The following MCTP1 variants were observed in gnomAD, a reference collection of about 807,000 sequenced individuals.
MCTP1 encodes the protein multiple C2 and transmembrane domain-containing protein 1.
A neutral mutation model predicts 120.6 loss-of-function variants in MCTP1; 69 were observed. The observed-to-expected ratio is 0.57, with a 90% confidence interval of 0.47 to 0.70. The LOEUF (loss-of-function observed/expected upper bound fraction) is 0.70, where lower values mean the gene tolerates loss of function less well. Ranked by LOEUF, MCTP1 falls within the 30% of genes least tolerant of loss-of-function variation. MCTP1 has a pLI of 0.00. For missense variants in MCTP1, 1,203 were observed against 1,248.8 expected, an observed-to-expected ratio of 0.96 and a Z score of 0.55; for synonymous variants, 529 against 493.1, an observed-to-expected ratio of 1.07 and a Z score of -0.96.
At chr5:94,946,179 C>T (rs1174223564) in intron 3 of MCTP1, among the ~76,000 whole-genome samples, 4 of 152,168 alleles carry the variant, frequency 2.6e-5, no homozygotes, top group South Asian at 2.1e-4. Flanking sequence ...TCAGAGCTTC[C>T]TCATCATTAC....
At chr5:95,145,429 T>A (rs139573167) in intron 1 of MCTP1, among the ~76,000 whole-genome samples, 1 of 152,176 alleles carries the variant, frequency 6.6e-6, no homozygotes, top group Non-Finnish European at 1.5e-5. Flanking sequence ...TCCAATACTA[T>A]GTTGAATAGG....
intron 20 of MCTP1, 42 bp from the exon 21 acceptor site, chr5:94,710,969 A>G: frequency 7.6e-7 from 1 of 1,321,414 alleles, no homozygotes; most frequent in Non-Finnish European, 1.1e-6. Context: ...AGTACTTCAT[A>G]CTTTTTTCAA....
chr5:94,868,331 A>G lies in MCTP1; in HGVS notation c.2436+2T>C. 6.3e-7 allele frequency: 1 copy of G among 1,596,242 alleles called. No individual in the cohort carries two copies. Among genetic ancestry groups the G allele is most frequent in the Non-Finnish European group, 8.5e-7 (1 of 1,172,918 alleles). On this transcript the variant is annotated splice_donor_variant, in intron 17 of 22. Transcript: ENST00000515393. LOFTEE classifies it high-confidence loss of function. ...AATGTAAGTAATACAGTATGATCATACCACAAAAGCAGCGAGACTCCTTGG... is the reference window on the plus strand; with the variant it reads ...AATGTAAGTAATACAGTATGATCATGCCACAAAAGCAGCGAGACTCCTTGG...
intron 17 of MCTP1, among the ~76,000 whole-genome samples, chr5:94,812,406 G>A (rs1783608797): frequency 2.1e-5 from 3 of 145,174 alleles, no homozygotes; most frequent in Non-Finnish European, 4.5e-5. Context: ...AAAAGCAAGT[G>A]TAAACATGAA....
intron 2 of MCTP1, among the ~76,000 whole-genome samples, chr5:94,995,411 A>G (rs972034438): frequency 1.3e-5 from 2 of 152,182 alleles, no homozygotes; most frequent in African/African-American, 4.8e-5. Context: ...ATTAAGGGTG[A>G]CTATGCATGT....
chr5:94,879,099 G>A (rs1314460548), intron 12 of MCTP1, among the ~76,000 whole-genome samples: 4 of 152,090 alleles, frequency 2.6e-5, no homozygotes, highest in South Asian at 2.1e-4. Context: ...GGGGCAGGGT[G>A]TGCAATGGGA....
At chr5:94,983,772 C>A (rs1023126654) in intron 2 of MCTP1, among the ~76,000 whole-genome samples, 6 of 152,144 alleles carry the variant, frequency 3.9e-5, no homozygotes, top group Admixed American at 3.9e-4. Context: ...TGCAATAGAA[C>A]AATTACATGC....
rs1326435702 is a variant in MCTP1 at position 94,779,783 on chromosome 5, A to G, written c.2557-620T>C. ...ATCATGAGAATGCATAGTATAATAA[A>G]ATGAAACTTAAAATAATATATAATT... is the stretch of plus-strand genomic sequence containing the variant. On this transcript the variant is annotated intron_variant, in intron 18 of 22. Coordinates refer to ENST00000515393, the MANE Select transcript of MCTP1 (RefSeq NM_024717.7). 2.6e-5 allele frequency among the ~76,000 whole-genome samples: 4 copies of G among 152,192 alleles called. No individual in the cohort carries two copies. In the East Asian group the frequency reaches 7.7e-4, roughly 29 times the overall value.
At chr5:94,871,185 AT>A (rs1462412387) in intron 14 of MCTP1, 129 bp downstream of exon 14, 4 of 704,494 alleles carry the variant, frequency 5.7e-6, no homozygotes, top group Non-Finnish European at 9.8e-6. Context: ...GTATGTTAAA[AT>A]TTTTAGTGTT....
At chr5:95,275,954 A>G (rs1361513869) in intron 1 of MCTP1, among the ~76,000 whole-genome samples, 1 of 152,220 alleles carries the variant, frequency 6.6e-6, no homozygotes, top group Non-Finnish European at 1.5e-5. Flanking sequence ...ATGTTTAAAA[A>G]TAGGAGGGAA....
intron 19 of MCTP1, among the ~76,000 whole-genome samples, chr5:94,721,182 G>T (rs766966566): frequency 3.3e-5 from 5 of 152,164 alleles, no homozygotes; most frequent in African/African-American, 1.2e-4. Flanking sequence ...TTGAGCAAGA[G>T]AATGAAATCC....
intron 1 of MCTP1, among the ~76,000 whole-genome samples, chr5:95,118,923 A>C (rs1274762204): frequency 6.6e-6 from 1 of 152,250 alleles, no homozygotes; most frequent in East Asian, 1.9e-4. Context: ...AATAGACTCC[A>C]ATAAAATAAT....
chr5:94,919,686 T>A (rs6877335), intron 7 of MCTP1, among the ~76,000 whole-genome samples: 18,566 of 152,228 alleles, frequency 0.12, 1,207 homozygotes, highest in Middle Eastern at 0.18. Flanking sequence ...CAGCCTAGAA[T>A]GACTGTTTTG....
chr5:94,809,732 C>A lies in MCTP1; in HGVS notation c.2437-10600G>T, dbSNP rs1418705418. On this transcript the variant is annotated intron_variant, in intron 17 of 22. Coordinates refer to ENST00000515393, the MANE Select transcript of MCTP1 (RefSeq NM_024717.7). ...ATTAAGAGGAATTGATATTATGTGG[C>A]CTGTGAGGAAGTTGCTGGAATCAAG... Among the ~76,000 whole-genome samples, 3 of 152,084 alleles carry A rather than the reference C, an allele frequency of 2.0e-5. No individual in the cohort carries two copies. In the East Asian group the frequency reaches 5.8e-4, roughly 29 times the overall value.
At chr5:94,956,827 C>T (rs1822750930) in intron 2 of MCTP1, among the ~76,000 whole-genome samples, 1 of 152,100 alleles carries the variant, frequency 6.6e-6, no homozygotes, top group South Asian at 2.1e-4. Flanking sequence ...AGAATGGAAC[C>T]AAGTTGAAAA....
At chr5:95,066,588 TAA>T (rs1314135877) in intron 1 of MCTP1, among the ~76,000 whole-genome samples, 4 of 152,170 alleles carry the variant, frequency 2.6e-5, no homozygotes, top group Non-Finnish European at 4.4e-5. Flanking sequence ...GAAATCAACC[TAA>T]GTGTCCGTCA....
At chr5:95,211,621 T>C (rs1752387431) in intron 1 of MCTP1, among the ~76,000 whole-genome samples, 1 of 152,182 alleles carries the variant, frequency 6.6e-6, no homozygotes, top group Non-Finnish European at 1.5e-5. Flanking sequence ...TTGGTTTGAA[T>C]TTCCTCCTGT....
At chr5:95,221,090 T>G (rs892623958) in intron 1 of MCTP1, among the ~76,000 whole-genome samples, 1 of 152,216 alleles carries the variant, frequency 6.6e-6, no homozygotes, top group Non-Finnish European at 1.5e-5. Context: ...CCAGCATAGA[T>G]GCTACAACCA....
chr5:95,176,021 C>T (rs1218870717), intron 1 of MCTP1, among the ~76,000 whole-genome samples: 2 of 152,160 alleles, frequency 1.3e-5, no homozygotes, highest in Admixed American at 6.5e-5. Context: ...AAACCTCATG[C>T]CAGCGTTCTG....
Sources: gnomAD v4.1 joint callset for allele counts (sites outside exome capture counted in the v4.1 genomes callset) on GRCh38, gnomAD v4.1.1 for gene constraint, MANE v1.5 for transcripts, NCBI Gene and HGNC (gene_info 2026-07-23, HGNC 2026-07-21) for gene names.